Variants in ATP9A observed in about 807,000 individuals in gnomAD.
The protein encoded by ATP9A is probable phospholipid-transporting ATPase IIA.
ATP9A carries 52 observed loss-of-function variants against 144.1 expected under a neutral mutation model. The ratio of observed to expected loss-of-function variants is 0.36; its 90% CI spans 0.29 to 0.45. The LOEUF (loss-of-function observed/expected upper bound fraction) is 0.45. Ranked by LOEUF, ATP9A falls within the 20% of genes least tolerant of loss-of-function variation. ATP9A has a pLI of 1.00. For synonymous variants in ATP9A, 582 were observed against 557.4 expected (o/e 1.04, Z -0.62); for missense variants, 947 against 1,392.7 (o/e 0.68, Z 5.09).
chr20:51,693,962 C>T (rs999225421), intron 7 of ATP9A, 46 bp downstream of exon 7: 5 of 1,554,030 alleles, frequency 3.2e-6, no homozygotes, highest in South Asian at 2.3e-5. Context: ...GAGAACCCTG[C>T]TAAGATAGGT....
At chr20:51,727,667 C>T (rs2077720934) in intron 2 of ATP9A, among the ~76,000 whole-genome samples, 1 of 152,154 alleles carries the variant, frequency 6.6e-6, no homozygotes, top group Admixed American at 6.5e-5. Flanking sequence ...CACAGTGGCT[C>T]ACGCCTGTAA....
intron 9 of ATP9A, among the ~76,000 whole-genome samples, chr20:51,684,880 A>G (rs6013255): frequency 0.54 from 81,367 of 150,136 alleles, 23,273 homozygotes; most frequent in African/African-American, 0.73. Context: ...GCGTAGTGGC[A>G]GGCGCCTGTA....
At chr20:51,652,245 G>A (rs1287292004) in intron 14 of ATP9A, among the ~76,000 whole-genome samples, 2 of 152,322 alleles carry the variant, frequency 1.3e-5, no homozygotes, top group African/African-American at 2.4e-5. Flanking sequence ...CTTACTGTAC[G>A]GTGGCAGGGA....
chr20:51,641,358 C>CA (rs958545924), intron 14 of ATP9A, among the ~76,000 whole-genome samples: 25 of 148,942 alleles, frequency 1.7e-4, no homozygotes, highest in Non-Finnish European at 2.4e-4. Flanking sequence ...GACTGTATCT[C>CA]AAAAAAAAAA....
At position 51,686,684 on chromosome 20, in the gene ATP9A, C is replaced by T. The variant is rs577191507; in HGVS notation, c.799+2380G>A. Among the ~76,000 whole-genome samples, 39 of 152,272 alleles carry T rather than the reference C, an allele frequency of 2.6e-4. No individual in the cohort carries two copies. In the South Asian group the frequency reaches 7.5e-3, roughly 29 times the overall value. The stretch of plus-strand genomic sequence containing the variant: ...GTGCGGTGGCTCATGCCTGTAACCC[C>T]AGCACTTTGGGAGGCCGAGGCAGGT... On this transcript the variant is annotated intron_variant, in intron 9 of 27. Transcript: ENST00000338821.
At position 51,670,066 on chromosome 20, in the gene ATP9A, G is replaced by T; in HGVS notation, c.1224C>A (p.Leu408=). The T allele has an allele frequency of 6.2e-7, 1 of 1,614,176 alleles. No homozygotes were observed. The highest frequency in any genetic ancestry group is 1.1e-5 in the South Asian group (1 of 91,088). ...QNEMIFKRLH[L]GTVAYGLDSM... ...AGTCGAGGCCGTAGGCTACTGTTCC[G>T]AGATGGAGCCGTTTGAAAATCATCT... Residue 408 remains leucine (L), a synonymous_variant, in exon 13 of 28, where the codon CTC becomes CTA. Coordinates refer to ENST00000338821, the MANE Select transcript of ATP9A (RefSeq NM_006045.3).
intron 7 of ATP9A, among the ~76,000 whole-genome samples, chr20:51,691,582 C>T (rs1054866708): frequency 6.6e-5 from 10 of 152,110 alleles, no homozygotes; most frequent in African/African-American, 2.4e-4. Flanking sequence ...AGGATGGCTG[C>T]TATCAAAACA....
intron 5 of ATP9A, among the ~76,000 whole-genome samples, chr20:51,696,684 G>A (rs145360429): frequency 6.6e-6 from 1 of 152,220 alleles, no homozygotes; most frequent in Non-Finnish European, 1.5e-5. Flanking sequence ...ATAGATGGGG[G>A]TTGTGTGGTT....
At chr20:51,679,742 C>T (rs1359738959) in intron 9 of ATP9A, among the ~76,000 whole-genome samples, 1 of 152,230 alleles carries the variant, frequency 6.6e-6, no homozygotes, top group Non-Finnish European at 1.5e-5. Context: ...AACTGACTCT[C>T]TGGAACAGTG....
intron 22 of ATP9A, 144 bp downstream of exon 22, chr20:51,617,346 G>T: frequency 1.2e-6 from 1 of 843,476 alleles, no homozygotes; most frequent in Non-Finnish European, 1.9e-6. Flanking sequence ...TCTTCCCAGT[G>T]ACACAAGGTA....
At position 51,725,835 on chromosome 20, in the gene ATP9A, G is replaced by T; in HGVS notation, c.311C>A (p.Thr104Asn). 1 of 1,605,922 alleles carries T rather than the reference G, an allele frequency of 6.2e-7. No individual in the cohort carries two copies. Among genetic ancestry groups the T allele is most frequent in the Non-Finnish European group, 8.5e-7 (1 of 1,172,514 alleles). ...TTAACTTACCAGGGGAACCCAGTAG[G>T]TATAGAGTGCACCAAGTCTCATTTC... ...VPEMRLGALY[T>N]YWVPLGFVLA... The change falls in exon 3 of 28, where the codon ACC becomes AAC. Residue 104 changes from threonine to asparagine, a missense_variant. Physicochemically the swap from Thr to Asn is moderately conservative, Grantham distance 65. Coordinates refer to ENST00000338821, the MANE Select transcript of ATP9A (RefSeq NM_006045.3).
At chr20:51,652,223 T>C (rs2077369492) in intron 14 of ATP9A, among the ~76,000 whole-genome samples, 1 of 152,216 alleles carries the variant, frequency 6.6e-6, no homozygotes, top group Non-Finnish European at 1.5e-5. Flanking sequence ...ATCTATTTCA[T>C]TTCCTCCGTG....
At chr20:51,607,117 A>G (rs555270379) in intron 26 of ATP9A, among the ~76,000 whole-genome samples, 1 of 152,284 alleles carries the variant, frequency 6.6e-6, no homozygotes, top group Non-Finnish European at 1.5e-5. Context: ...CTTATATTCC[A>G]ACAGGTCATC....
At chr20:51,640,737 T>C (rs2077315354) in intron 14 of ATP9A, among the ~76,000 whole-genome samples, 1 of 152,144 alleles carries the variant, frequency 6.6e-6, no homozygotes, top group African/African-American at 2.4e-5. Flanking sequence ...AGAGTGTTGA[T>C]ACAAATAGCA....
intron 11 of ATP9A, among the ~76,000 whole-genome samples, chr20:51,673,150 G>T (rs1453267773): frequency 3.9e-5 from 6 of 152,076 alleles, no homozygotes; most frequent in African/African-American, 1.4e-4. Context: ...GAGGCGGGTG[G>T]ATCACTTGAG....
chr20:51,730,385 T>TGAGGGA (rs1783945467), intron 1 of ATP9A, among the ~76,000 whole-genome samples: 1 of 152,158 alleles, frequency 6.6e-6, no homozygotes, highest in Non-Finnish European at 1.5e-5. Flanking sequence ...GGATAATCGC[T>TGAGGGA]TGAAACCAAG....
Position 51,601,330 on chromosome 20 carries a change from T to C in ATP9A, c.3025A>G (p.Thr1009Ala). The part of the protein sequence containing the change: ...HEFIDVYFIA[T>A]LSFLWKVSVI... Reference sequence around the variant, plus strand: ...GAGACTTTCCACAAGAATGACAAGGTGGCGATGAAGTACACATCTGCAAGG... The same window carrying C: ...GAGACTTTCCACAAGAATGACAAGGCGGCGATGAAGTACACATCTGCAAGG... The change falls in exon 28 of 28, where the codon ACC becomes GCC. Residue 1009 changes from threonine to alanine, a missense_variant. By Grantham distance (58) the Thr-to-Ala change is moderately conservative. This residue lies in a region of ATP9A where 177 missense variants were observed against 344.9 expected (regional missense o/e 0.51). Coordinates refer to ENST00000338821, the MANE Select transcript of ATP9A (RefSeq NM_006045.3). 6.2e-7 allele frequency: 1 copy of C among 1,612,514 alleles called. No homozygotes were observed. The highest frequency in any genetic ancestry group is 8.5e-7 in the Non-Finnish European group (1 of 1,179,304).
chr20:51,743,817 G>C (rs938931789), intron 1 of ATP9A, among the ~76,000 whole-genome samples: 13 of 150,626 alleles, frequency 8.6e-5, no homozygotes, highest in Non-Finnish European at 1.8e-4. Context: ...GACCATCCTG[G>C]CCAACATGGT....
chr20:51,684,964 T>C (rs1384289087), intron 9 of ATP9A, among the ~76,000 whole-genome samples: 2 of 149,830 alleles, frequency 1.3e-5, no homozygotes, highest in Non-Finnish European at 3.0e-5. Flanking sequence ...TGAGCCAAGA[T>C]TGTGCCACTG....
Sources: allele counts gnomAD v4.1 joint callset (sites outside exome capture counted in the v4.1 genomes callset), GRCh38; gene constraint gnomAD v4.1.1; regional missense constraint gnomAD v4.1.1; transcripts MANE v1.5; gene names NCBI Gene and HGNC (gene_info 2026-07-23, HGNC 2026-07-21).